SH3BP4: variants seen among roughly 807,000 people sequenced by gnomAD.
SH3BP4 encodes the protein SH3 domain-binding protein 4.
SH3BP4 carries 33 observed loss-of-function variants against 65.5 expected under a neutral mutation model. That is an observed-to-expected ratio of 0.50 (90% confidence interval 0.38 to 0.67). The LOEUF is 0.67. SH3BP4 is among the 30% of genes least tolerant of loss of function. The pLI is 0.00. For synonymous variants in SH3BP4, 552 were observed against 545.5 expected, an observed-to-expected ratio of 1.01 and a Z score of -0.17; for missense variants, 1,134 against 1,261.4, an observed-to-expected ratio of 0.90 and a Z score of 1.53.
intron 2 of SH3BP4, among the ~76,000 whole-genome samples, chr2:235,007,854 C>A (rs1445224997): frequency 6.6e-6 from 1 of 152,178 alleles, no homozygotes. Context: ...CCAGGGTGGA[C>A]TCAGGCACCC....
At chr2:235,001,916 G>A (rs950362035) in intron 2 of SH3BP4, among the ~76,000 whole-genome samples, 5 of 152,030 alleles carry the variant, frequency 3.3e-5, no homozygotes, top group Non-Finnish European at 7.4e-5. Flanking sequence ...GCTGGAGTGC[G>A]GTGGCGCAAT....
At chr2:235,012,236 A>T (rs925058235) in intron 2 of SH3BP4, among the ~76,000 whole-genome samples, 1 of 152,150 alleles carries the variant, frequency 6.6e-6, no homozygotes, top group African/African-American at 2.4e-5. Context: ...TGACCTCGGC[A>T]GACCATCCCT....
Position 235,055,704 on chromosome 2 carries a change from A to T in SH3BP4, c.*1888A>T, listed in dbSNP as rs116776840. The stretch of plus-strand genomic sequence containing the variant: ...CAACCAGACTTTAAATAAAACAAAC[A>T]TGAAACCTAATGTACGTATTTATAC... On this transcript the variant is annotated 3_prime_UTR_variant, in exon 6 of 6. Coordinates refer to ENST00000392011, the MANE Select transcript of SH3BP4 (RefSeq NM_014521.3). The T allele has an allele frequency of 5.0e-4, 76 of 152,792 alleles. No individual in the cohort carries two copies. Among genetic ancestry groups the T allele is most frequent in the African/African-American group, 1.8e-3 (75 of 41,594 alleles). 9.5% of individuals were successfully genotyped at this position (152,792 alleles called of 1,614,324 possible). A position where few individuals can be genotyped will look rare whatever the true frequency, so the allele number is the denominator to read the frequency against.
intron 3 of SH3BP4, among the ~76,000 whole-genome samples, chr2:235,039,591 A>C (rs1461274487): frequency 7.9e-5 from 12 of 151,160 alleles, no homozygotes; most frequent in Admixed American, 7.9e-4. Flanking sequence ...GCAGTTTGGG[A>C]GGTGGGGGAG....
chr2:235,050,743 A>G (rs1439112152), intron 4 of SH3BP4, among the ~76,000 whole-genome samples: 1 of 152,042 alleles, frequency 6.6e-6, no homozygotes, highest in African/African-American at 2.4e-5. Context: ...CTTTGAAGTA[A>G]GCAGCCCAGC....
chr2:235,051,611 G>A (rs977553970), intron 4 of SH3BP4, among the ~76,000 whole-genome samples: 8 of 152,012 alleles, frequency 5.3e-5, no homozygotes, highest in Non-Finnish European at 1.0e-4. Context: ...TGTGGAAACC[G>A]TTTTCTCATG....
chr2:234,976,201 C>T lies in SH3BP4; in HGVS notation c.-206-19102C>T, dbSNP rs547899434. 2.2e-4 allele frequency among the ~76,000 whole-genome samples: 33 copies of T among 152,254 alleles called. No homozygotes were observed. Among genetic ancestry groups the T allele is most frequent in the Non-Finnish European group, 3.7e-4 (25 of 68,024 alleles). On this transcript the variant is annotated intron_variant, in intron 1 of 5. Transcript: ENST00000392011. The surrounding 1 kb of genome is among the most constrained non-coding windows in gnomAD (Gnocchi z 4.7). ...ATCTACCCATGAAGAGCGGCTCCTG[C>T]GGGGTGGCCCGGGTTACCCCAGCAG... is the stretch of plus-strand genomic sequence containing the variant.
At chr2:234,987,005 C>G (rs920172334) in intron 1 of SH3BP4, among the ~76,000 whole-genome samples, 4 of 151,984 alleles carry the variant, frequency 2.6e-5, no homozygotes, top group African/African-American at 9.7e-5. Context: ...CTCCTGACCT[C>G]AAGGGATCCA....
intron 4 of SH3BP4, among the ~76,000 whole-genome samples, chr2:235,044,943 A>T (rs955293151): frequency 4.6e-5 from 7 of 152,206 alleles, no homozygotes; most frequent in Non-Finnish European, 1.0e-4. Context: ...CTTGGCAACC[A>T]GGAAATCACT....
chr2:235,000,584 C>T (rs759480408), intron 2 of SH3BP4, among the ~76,000 whole-genome samples: 12 of 152,116 alleles, frequency 7.9e-5, no homozygotes, highest in Non-Finnish European at 1.6e-4. Flanking sequence ...GTCTCTGAGC[C>T]GCTGACATGG....
intron 1 of SH3BP4, among the ~76,000 whole-genome samples, chr2:234,975,108 T>C (rs1693130912): frequency 6.6e-6 from 1 of 152,146 alleles, no homozygotes; most frequent in African/African-American, 2.4e-5. Context: ...GTGCCGGGAT[T>C]GAGTATTTCT....
intron 2 of SH3BP4, among the ~76,000 whole-genome samples, chr2:235,004,082 C>CT (rs1371762655): frequency 2.0e-5 from 3 of 152,242 alleles, no homozygotes; most frequent in Non-Finnish European, 4.4e-5. Flanking sequence ...TTTCCTGTGC[C>CT]TGACTGACTA....
chr2:235,037,359 G>A (rs1048395249), intron 3 of SH3BP4, among the ~76,000 whole-genome samples: 2 of 152,098 alleles, frequency 1.3e-5, no homozygotes, highest in African/African-American at 4.8e-5. Flanking sequence ...CACCTCCCTA[G>A]GGTTCTGGAA....
chr2:235,051,572 A>G (rs1047770038), intron 4 of SH3BP4, among the ~76,000 whole-genome samples: 7 of 152,022 alleles, frequency 4.6e-5, no homozygotes, highest in Admixed American at 6.6e-5. Context: ...AAGTTCTTGC[A>G]GCTTTGACGT....
rs80220744 is a variant in SH3BP4, at chr2:235,004,396, A to G, written c.-133+9020A>G. Reference sequence around the variant, plus strand: ...TATTGAAATGAAGTTCACATAACATATAATTTACCATTTTGAAATGTCACA... The same window carrying G: ...TATTGAAATGAAGTTCACATAACATGTAATTTACCATTTTGAAATGTCACA... On this transcript the variant is annotated intron_variant, in intron 2 of 5. Coordinates refer to ENST00000392011, the MANE Select transcript of SH3BP4 (RefSeq NM_014521.3). 9.0e-3 allele frequency among the ~76,000 whole-genome samples: 1,378 copies of G among 152,286 alleles called. 27 individuals carry two copies. The highest frequency in any genetic ancestry group is 0.031 in the African/African-American group (1,292 of 41,546).
intron 2 of SH3BP4, among the ~76,000 whole-genome samples, chr2:235,027,072 G>A (rs952869682): frequency 1.3e-5 from 2 of 152,332 alleles, no homozygotes; most frequent in African/African-American, 2.4e-5. Context: ...CTAAGGTGGC[G>A]GGAAAGGTTT....
At chr2:235,022,604 G>A (rs1284954487) in intron 2 of SH3BP4, among the ~76,000 whole-genome samples, 1 of 152,152 alleles carries the variant, frequency 6.6e-6, no homozygotes, top group Admixed American at 6.5e-5. Context: ...GAAAGCGGGT[G>A]AATCGAGACA....
rs187695542 is a variant in SH3BP4, at chr2:234,997,983, C to T, written c.-133+2607C>T. ...TAAAAATACAAAAAAATTAGCCGGG[C>T]GTGGTGGTGGGCGCCTATAGTCCCA... On this transcript the variant is annotated intron_variant, in intron 2 of 5. Transcript: ENST00000392011. The surrounding 1 kb of genome is among the most constrained non-coding windows in gnomAD (Gnocchi z 4.2). Among the ~76,000 whole-genome samples the T allele has an allele frequency of 3.4e-4, 51 of 152,074 alleles. No homozygotes were observed. The highest frequency in any genetic ancestry group is 5.7e-4 in the Non-Finnish European group (39 of 67,968).
chr2:235,006,637 C>A (rs1394116673), intron 2 of SH3BP4, among the ~76,000 whole-genome samples: 1 of 152,168 alleles, frequency 6.6e-6, no homozygotes, highest in Non-Finnish European at 1.5e-5. Flanking sequence ...CCAGGGGCCA[C>A]CCAGCCTAGA....
Sources: gnomAD v4.1 joint callset for allele counts (sites outside exome capture counted in the v4.1 genomes callset) on GRCh38, gnomAD v4.1.1 for gene constraint, Gnocchi (gnomAD v3.1) non-coding constraint, MANE v1.5 for transcripts, NCBI Gene and HGNC (gene_info 2026-07-23, HGNC 2026-07-21) for gene names.